Variants in CDH3 observed in about 807,000 individuals in gnomAD.
The protein encoded by CDH3 is cadherin-3.
In CDH3, 54 loss-of-function variants were observed where a neutral mutation model predicts 82.0. The ratio of observed to expected loss-of-function variants is 0.66; its 90% CI spans 0.53 to 0.83. CDH3 has a LOEUF of 0.83. CDH3 is among the 40% of genes least tolerant of loss of function. The probability of loss-of-function intolerance (pLI) is 0.00; values close to 1 mark genes in which losing one functional copy is unlikely to be tolerated. For missense variants in CDH3, 1,054 were observed against 1,084.6 expected, an observed-to-expected ratio of 0.97 and a Z score of 0.40; for synonymous variants, 446 against 437.9, an observed-to-expected ratio of 1.02 and a Z score of -0.23.
intron 1 of CDH3, among the ~76,000 whole-genome samples, chr16:68,709,286 G>T (rs1297716016): frequency 1.3e-5 from 2 of 152,098 alleles, no homozygotes; most frequent in Non-Finnish European, 2.9e-5. Context: ...TGTTGCCCAG[G>T]CTGGTCTCGA....
intron 2 of CDH3, among the ~76,000 whole-genome samples, chr16:68,722,984 C>T (rs946098108): frequency 5.9e-5 from 9 of 151,412 alleles, no homozygotes; most frequent in East Asian, 1.9e-4. Context: ...AGTAGAGACA[C>T]GGTTTCACCA....
chr16:68,650,893 A>ACATCCCATGC (rs1844501355), intron 2 of CDH3, among the ~76,000 whole-genome samples: 2 of 151,088 alleles, frequency 1.3e-5, no homozygotes, highest in African/African-American at 4.9e-5. Context: ...ACATCCCATG[A>ACATCCCATGC]CGCCACTCAC....
At position 68,695,313 on chromosome 16, in the gene CDH3, C is replaced by A. The variant is rs1567457224; in HGVS notation, c.2061C>A (p.Leu687=). 1 of 1,614,074 alleles carries A rather than the reference C, an allele frequency of 6.2e-7. No homozygotes were observed. The highest frequency in any genetic ancestry group is 1.1e-5 in the South Asian group (1 of 91,074). Residue 687 remains leucine (L), a synonymous_variant, in exon 14 of 16, where the codon CTC becomes CTA. Coordinates refer to ENST00000264012, the MANE Select transcript of CDH3 (RefSeq NM_001793.6). ...VRKKRKIKEP[L]LLPEDDTRDN... ...AGAAGCGGAAGATCAAGGAGCCCCT[C>A]CTACTCCCAGAAGATGACACCCGTG...
At chr16:68,729,375 T>C (rs1962260331), downstream of CDH3, among the ~76,000 whole-genome samples, 1 of 152,220 alleles carries the variant, frequency 6.6e-6, no homozygotes, top group South Asian at 2.1e-4. Flanking sequence ...TGTTTCGTTT[T>C]GTTTTTTAAA....
At chr16:68,658,033 A>G (rs1384485080) in intron 2 of CDH3, among the ~76,000 whole-genome samples, 16 of 146,710 alleles carry the variant, frequency 1.1e-4, no homozygotes, top group Non-Finnish European at 7.5e-5. Flanking sequence ...GACCACAGGT[A>G]TTCCCCATAT....
chr16:68,706,194 T>C (rs34909703), intron 1 of CDH3, among the ~76,000 whole-genome samples: 37,650 of 152,104 alleles, frequency 0.25, 4,780 homozygotes, highest in Admixed American at 0.29. Context: ...TCTATCTTTC[T>C]ACTTGGACAG....
intron 1 of CDH3, among the ~76,000 whole-genome samples, chr16:68,715,530 C>T (rs1962084737): frequency 6.6e-6 from 1 of 152,140 alleles, no homozygotes; most frequent in Admixed American, 6.5e-5. Context: ...CCCGGGCACA[C>T]CCTGGAGTCC....
Position 68,645,685 on chromosome 16 carries a change from G to A in CDH3, c.95G>A (p.Arg32Lys). Residue 32 changes from arginine (R) to lysine (K), a missense_variant, in exon 2 of 16, where the codon AGG becomes AAG. Coordinates refer to ENST00000264012, the MANE Select transcript of CDH3 (RefSeq NM_001793.6). ...TCCGAGCCGTGCCGGGCGGTCTTCA[G>A]GGAGGCTGAAGTGACCTTGGAGGCG... is the stretch of plus-strand genomic sequence containing the variant. ...AASEPCRAVFREAEVTLEAGG... is the reference protein window; with the variant it reads ...AASEPCRAVFKEAEVTLEAGG... 1 of 1,546,064 alleles carries A rather than the reference G, an allele frequency of 6.5e-7. No homozygotes were observed. Among genetic ancestry groups the A allele is most frequent in the Non-Finnish European group, 8.7e-7 (1 of 1,146,684 alleles).
At chr16:68,708,205 G>A (rs1597827115) in intron 1 of CDH3, among the ~76,000 whole-genome samples, 2 of 152,006 alleles carry the variant, frequency 1.3e-5, no homozygotes, top group South Asian at 2.1e-4. Flanking sequence ...GAGGGCGCCT[G>A]TAACCCTAGC....
In CDH3 at chr16:68,724,062, C is replaced by T. The variant is rs564688970; in HGVS notation, c.*45+1446C>T. Among the ~76,000 whole-genome samples, 5 of 104,302 alleles carry T rather than the reference C, an allele frequency of 4.8e-5. No individual in the cohort carries two copies. In the East Asian group the frequency reaches 1.3e-3, roughly 28 times the overall value. 68.4% of individuals were successfully genotyped at this position (104,302 alleles called of 152,430 possible). Reference sequence around the variant, plus strand: ...CCAGCCTGGGCGACAGAGCGAGACTCCGTCTCAAAAAAAAAAAAAAAAAAT... The same window carrying T: ...CCAGCCTGGGCGACAGAGCGAGACTTCGTCTCAAAAAAAAAAAAAAAAAAT... On this transcript the variant is annotated intron_variant, in intron 2 of 2. Coordinates refer to the CDH3 transcript ENST00000569080.
chr16:68,669,000 T>C (rs760203878), intron 2 of CDH3, among the ~76,000 whole-genome samples: 8 of 152,206 alleles, frequency 5.3e-5, no homozygotes, highest in Non-Finnish European at 1.0e-4. Context: ...TTCTATATAA[T>C]CATACAATTT....
At chr16:68,703,437 G>A (rs1030900845), downstream of CDH3, among the ~76,000 whole-genome samples, 1 of 152,154 alleles carries the variant, frequency 6.6e-6, no homozygotes, top group Non-Finnish European at 1.5e-5. Context: ...CAGTCACCCT[G>A]GGAAGCCCCT....
intron 2 of CDH3, among the ~76,000 whole-genome samples, chr16:68,648,336 G>T (rs991263908): frequency 6.6e-6 from 1 of 152,104 alleles, no homozygotes; most frequent in Non-Finnish European, 1.5e-5. Flanking sequence ...TGACAACCTT[G>T]TGAAGGGCGG....
chr16:68,645,484 C>T, intron 1 of CDH3, 60 bp downstream of exon 1: 1 of 1,575,970 alleles, frequency 6.3e-7, no homozygotes, highest in Non-Finnish European at 8.7e-7. Flanking sequence ...CGGGCGGGGT[C>T]CGCATGGGGC....
At chr16:68,680,436 T>G (rs1191987963) in intron 7 of CDH3, among the ~76,000 whole-genome samples, 3 of 152,198 alleles carry the variant, frequency 2.0e-5, no homozygotes, top group African/African-American at 4.8e-5. Context: ...CTCAGCACTT[T>G]GGGAGGCCAA....
intron 11 of CDH3, among the ~76,000 whole-genome samples, chr16:68,687,130 T>C (rs1207735320): frequency 1.6e-4 from 24 of 152,202 alleles, no homozygotes; most frequent in Admixed American, 1.5e-3. Flanking sequence ...GATGGGAGGT[T>C]ATGACGTAGT....
chr16:68,731,368 CAAAAAA>C (rs869074059), downstream of CDH3, among the ~76,000 whole-genome samples: 52 of 2,234 alleles, frequency 0.023, 1 homozygote, highest in African/African-American at 0.057. Flanking sequence ...AACTCCGTCT[CAAAAAA>C]AAAAAAAAAA....
chr16:68,716,543 C>A lies in CDH3; in HGVS notation c.100-5882C>A, dbSNP rs533313867. ...GGCTGAGGTGGGAAATTTACTTGAG[C>A]CCAGGAGTTTGAGGTTACAATGAGC... On this transcript the variant is annotated intron_variant, in intron 1 of 2. Transcript: ENST00000569080. Among the ~76,000 whole-genome samples, 10 of 150,100 alleles carry A rather than the reference C, an allele frequency of 6.7e-5. 1 individual carries two copies. The highest frequency in any genetic ancestry group is 2.2e-4 in the African/African-American group (9 of 40,666).
Position 68,683,507 on chromosome 16 carries a change from C to T in CDH3, c.1182+1020C>T, listed in dbSNP as rs1157459241. Among the ~76,000 whole-genome samples the T allele has an allele frequency of 2.6e-5, 4 of 151,646 alleles. No individual in the cohort carries two copies. The East Asian group carries it at 7.8e-4, about 29-fold the overall frequency. ...TCTACTAAAAATACAAAAAAATTAG[C>T]TGGGCGTGGTGGCAGGCGCCTGTAG... On this transcript the variant is annotated intron_variant, in intron 9 of 15. Coordinates refer to ENST00000264012, the MANE Select transcript of CDH3 (RefSeq NM_001793.6).
Sources: gnomAD v4.1 joint callset for allele counts (sites outside exome capture counted in the v4.1 genomes callset) on GRCh38, gnomAD v4.1.1 for gene constraint, MANE v1.5 for transcripts, NCBI Gene and HGNC (gene_info 2026-07-23, HGNC 2026-07-21) for gene names.